ATRX: variants seen among roughly 807,000 people sequenced by gnomAD.
ATRX encodes chromatin remodeler ATRX.
ATRX carries 12 observed loss-of-function variants against 172.6 expected under a neutral mutation model. That is an observed-to-expected ratio of 0.07 (90% confidence interval 0.04 to 0.11). The LOEUF is 0.11. ATRX is among the 10% of genes least tolerant of loss of function. ATRX has a pLI of 1.00. For missense variants in ATRX, 1,368 were observed against 1,767.4 expected (o/e 0.77, Z 4.05); for synonymous variants, 674 against 594.7 (o/e 1.13, Z -1.94).
chrX:77,720,431 G>A (rs991486572), intron 1 of ATRX, among the ~76,000 whole-genome samples: 45 of 109,853 alleles, frequency 4.1e-4, no homozygotes, highest in African/African-American at 1.4e-3. Context: ...ACCACTATCC[G>A]GACTAATAAA....
intron 21 of ATRX, among the ~76,000 whole-genome samples, chrX:77,616,937 G>A (rs1199509858): frequency 1.8e-5 from 2 of 111,255 alleles, no homozygotes; most frequent in Non-Finnish European, 3.8e-5. Flanking sequence ...ATGGTACACT[G>A]GTAAAAAGAC....
chrX:77,740,053 CA>C (rs781860181), intron 1 of ATRX, among the ~76,000 whole-genome samples: 5,097 of 46,809 alleles, frequency 0.11, 236 homozygotes, highest in African/African-American at 0.3. Context: ...AACTCCATCC[CA>C]AAAAAAAAAA....
At position 77,640,467 on chromosome X, in the gene ATRX, G is replaced by GA. The variant is rs781797999; in HGVS notation, c.4558-4412dup. ...TATCTGAATTGAAGGGAAAATAAAG[G>GA]AAAAAAAATCATATGACCAAAATAT... On this transcript the variant is annotated intron_variant, in intron 15 of 34. Transcript: ENST00000373344. Among the ~76,000 whole-genome samples, 501 of 110,200 alleles carry GA rather than the reference G, an allele frequency of 4.5e-3. 6 individuals carry two copies. The highest frequency in any genetic ancestry group is 0.015 in the African/African-American group (462 of 30,366).
At chrX:77,639,373 A>G (rs1215421557) in intron 15 of ATRX, among the ~76,000 whole-genome samples, 1 of 112,067 alleles carries the variant, frequency 8.9e-6, no homozygotes, top group Non-Finnish European at 1.9e-5. Flanking sequence ...TAAGTGTAAT[A>G]ACTGAAAGGA....
chrX:77,778,934 T>G (rs1034211586), intron 1 of ATRX, among the ~76,000 whole-genome samples: 1 of 107,965 alleles, frequency 9.3e-6, no homozygotes, highest in East Asian at 2.9e-4. Flanking sequence ...ATCTCTCTTT[T>G]TTCTTTTTTT....
rs1448764008 is a variant in ATRX at position 77,620,445 on chromosome X, C to T, written c.5222G>A (p.Arg1741Lys). The part of the protein sequence containing the change: ...VSKAMNSIRS[R>K]RRIILTGTPL... ...TGTTCCTGTTAAAATAATCCTCCTCCTTGATCGTATAGAATTCATAGCTTT... is the reference window on the plus strand; with the variant it reads ...TGTTCCTGTTAAAATAATCCTCCTCTTTGATCGTATAGAATTCATAGCTTT... Residue 1741 changes from arginine to lysine, a missense_variant, in exon 20 of 35, where the codon AGG becomes AAG. Physicochemically the swap from Arg to Lys is conservative, Grantham distance 26 (BLOSUM62 2). Transcript: ENST00000373344. 2.5e-6 allele frequency: 3 copies of T among 1,206,758 alleles called. No individual in the cohort carries two copies. Among genetic ancestry groups the T allele is most frequent in the Non-Finnish European group, 3.4e-6 (3 of 892,498 alleles).
Position 77,684,593 on chromosome X carries a change from C to T in ATRX, c.663G>A (p.Arg221=), listed in dbSNP as rs2148640586. ...TCAAGTTTCCACCTTCCGCACACCA[C>T]CTGAAATGTTTTAAAGATTAAAACA... ...RDSDGMDEQC[R]WCAEGGNLIC... Residue 221 remains arginine (R), a splice_region_variant and synonymous_variant, in exon 9 of 35, where the codon AGG becomes AGA. Transcript: ENST00000373344. The T allele has an allele frequency of 3.3e-6, 4 of 1,205,857 alleles. No homozygotes were observed. Among genetic ancestry groups the T allele is most frequent in the East Asian group, 3.0e-5 (1 of 33,838 alleles).
At chrX:77,528,456 T>C (rs979437179) in intron 30 of ATRX, among the ~76,000 whole-genome samples, 6 of 111,097 alleles carry the variant, frequency 5.4e-5, no homozygotes, top group African/African-American at 2.0e-4. Flanking sequence ...CTGGGTGAGA[T>C]CTTCCAGTGC....
intron 30 of ATRX, among the ~76,000 whole-genome samples, chrX:77,550,836 G>A (rs2064469750): frequency 9.0e-6 from 1 of 111,460 alleles, no homozygotes; most frequent in Admixed American, 9.6e-5. Flanking sequence ...CAAACAGAGA[G>A]CCAAATCATG....
At chrX:77,716,318 AAAAAAATATATATATATAT>A (rs2073409897) in intron 2 of ATRX, among the ~76,000 whole-genome samples, 1 of 60,268 alleles carries the variant, frequency 1.7e-5, no homozygotes, top group Admixed American at 2.6e-4. Context: ...AAAAAAAAAA[AAAAAAATATATATATATAT>A]ATATATATAT....
chrX:77,600,634 T>C, intron 22 of ATRX, 70 bp from the exon 23 acceptor site: 1 of 1,094,750 alleles, frequency 9.1e-7, no homozygotes. Context: ...ATTAGGAGTT[T>C]TAATCTTACT....
intron 9 of ATRX, among the ~76,000 whole-genome samples, chrX:77,676,859 C>T (rs781810542): frequency 3.6e-5 from 4 of 112,096 alleles, no homozygotes; most frequent in Non-Finnish European, 7.5e-5. Context: ...AGGTGGCGCA[C>T]GCCTGTAATC....
chrX:77,532,996 T>G (rs2063630135), intron 30 of ATRX, among the ~76,000 whole-genome samples: 1 of 111,853 alleles, frequency 8.9e-6, no homozygotes, highest in Non-Finnish European at 1.9e-5. Flanking sequence ...AACAGACATT[T>G]CTCAAAAGAA....
chrX:77,593,660 G>C (rs781785529), intron 26 of ATRX, 36 bp downstream of exon 26: 1 of 1,158,444 alleles, frequency 8.6e-7, no homozygotes, highest in East Asian at 3.0e-5. Context: ...ATAATCAAAA[G>C]GTTAATTTAT....
At chrX:77,655,593 T>A (rs1171202519) in intron 13 of ATRX, among the ~76,000 whole-genome samples, 9 of 110,268 alleles carry the variant, frequency 8.2e-5, no homozygotes, top group African/African-American at 3.0e-4. Flanking sequence ...TTTTCTTGGA[T>A]GATGGAAATG....
chrX:77,577,979 T>G (rs782676439), intron 27 of ATRX, among the ~76,000 whole-genome samples: 1 of 111,913 alleles, frequency 8.9e-6, no homozygotes, highest in Non-Finnish European at 1.9e-5. Context: ...CCAATGCCAC[T>G]GCTACCTCAA....
intron 30 of ATRX, among the ~76,000 whole-genome samples, chrX:77,537,574 C>T (rs2063795046): frequency 9.0e-6 from 1 of 110,694 alleles, no homozygotes; most frequent in South Asian, 3.8e-4. Flanking sequence ...GTGGTGCACG[C>T]CTGTAGATTC....
intron 6 of ATRX, among the ~76,000 whole-genome samples, chrX:77,691,523 A>C (rs2071887025): frequency 9.0e-6 from 1 of 111,627 alleles, no homozygotes; most frequent in Non-Finnish European, 1.9e-5. Flanking sequence ...CTAACAATTA[A>C]ACTGGGAAGA....
intron 22 of ATRX, among the ~76,000 whole-genome samples, chrX:77,605,971 T>C (rs2066890408): frequency 9.0e-6 from 1 of 111,492 alleles, no homozygotes; most frequent in African/African-American, 3.3e-5. Flanking sequence ...TATGACCAAC[T>C]ATATGCCAAT....
Sources: gnomAD v4.1 joint callset for allele counts (sites outside exome capture counted in the v4.1 genomes callset) on GRCh38, gnomAD v4.1.1 for gene constraint, MANE v1.5 for transcripts, NCBI Gene and HGNC (gene_info 2026-07-23, HGNC 2026-07-21) for gene names.